MIS18A: variants seen among roughly 807,000 people sequenced by gnomAD.
MIS18A encodes MIS18 kinetochore protein A, also known as protein Mis18-alpha.
In MIS18A, 14 loss-of-function variants were observed where a neutral mutation model predicts 25.0. The ratio of observed to expected loss-of-function variants is 0.56; its 90% CI spans 0.37 to 0.88. The LOEUF (loss-of-function observed/expected upper bound fraction) is 0.88. Among genes scored for constraint, MIS18A ranks in the 40% least tolerant of loss-of-function variants. The pLI is 0.00. For missense variants in MIS18A, 292 were observed against 290.8 expected (o/e 1.00, Z -0.03); for synonymous variants, 134 against 118.6 (o/e 1.13, Z -0.84).
chr21:32,277,359 A>C (rs990324049), intron 1 of MIS18A, among the ~76,000 whole-genome samples: 3 of 152,260 alleles, frequency 2.0e-5, no homozygotes, highest in African/African-American at 4.8e-5. Context: ...AAAATGAAAG[A>C]TGTAACATCA....
the MIS18A span, among the ~76,000 whole-genome samples, chr21:32,220,564 C>T: frequency 8.5e-5 from 13 of 152,240 alleles, no homozygotes; most frequent in African/African-American, 3.1e-4. Context: ...AGCCAGAATA[C>T]TTCTTCTCCT....
the MIS18A span, among the ~76,000 whole-genome samples, chr21:32,230,303 ATCACCTAAT>A: frequency 1.3e-5 from 2 of 152,248 alleles, no homozygotes; most frequent in Admixed American, 6.5e-5. Context: ...CCATTCCTTC[ATCACCTAAT>A]TCAGGCAAGT....
chr21:32,273,499 T>C (rs1487493460), intron 2 of MIS18A, among the ~76,000 whole-genome samples: 2 of 152,094 alleles, frequency 1.3e-5, no homozygotes, highest in African/African-American at 4.8e-5. Context: ...ATTCCAAGCA[T>C]CTTAGAAGCT....
chr21:32,240,908 C>T, the MIS18A span, among the ~76,000 whole-genome samples: 2 of 152,296 alleles, frequency 1.3e-5, no homozygotes, highest in Non-Finnish European at 2.9e-5. Context: ...GCAGTCACTA[C>T]AATCCCCATA....
chr21:32,274,406 T>C (rs1468125240), intron 2 of MIS18A, among the ~76,000 whole-genome samples: 1 of 152,064 alleles, frequency 6.6e-6, no homozygotes, highest in Non-Finnish European at 1.5e-5. Context: ...GGTTTTGCCA[T>C]GTTGGCCAGG....
At chr21:32,193,480 GTAGATAGATAGATAGATAGA>G in the MIS18A span, among the ~76,000 whole-genome samples, 655 of 138,066 alleles carry the variant, frequency 4.7e-3, 7 homozygotes, top group African/African-American at 0.016. Context: ...AGATAGATAG[GTAGATAGATAGATAGATAGA>G]TAGATAGATA....
chr21:32,226,134 G>A, the MIS18A span, among the ~76,000 whole-genome samples: 15 of 132,622 alleles, frequency 1.1e-4, no homozygotes, highest in Non-Finnish European at 1.9e-4. Flanking sequence ...CTGTGGTGGG[G>A]TGGGGGGAGT....
chr21:32,164,091 C>T, the MIS18A span, among the ~76,000 whole-genome samples: 1 of 152,150 alleles, frequency 6.6e-6, no homozygotes, highest in Non-Finnish European at 1.5e-5. Context: ...CTGCACCAAG[C>T]CATTCTTGAG....
the MIS18A span, among the ~76,000 whole-genome samples, chr21:32,196,390 TCC>T: frequency 6.6e-6 from 1 of 151,792 alleles, no homozygotes; most frequent in African/African-American, 2.4e-5. Flanking sequence ...GTCTCAGCTC[TCC>T]TGGTTCCCAG....
chr21:32,197,364 A>G, the MIS18A span, among the ~76,000 whole-genome samples: 1 of 152,206 alleles, frequency 6.6e-6, no homozygotes, highest in East Asian at 1.9e-4. Flanking sequence ...TGGGGCTGAC[A>G]TTTAGACATT....
chr21:32,218,192 CAAAAA>C, the MIS18A span, among the ~76,000 whole-genome samples: 2 of 56,376 alleles, frequency 3.5e-5, no homozygotes, highest in African/African-American at 6.9e-5. Flanking sequence ...GACTCCATCT[CAAAAA>C]AAAAAAAAAA....
the MIS18A span, among the ~76,000 whole-genome samples, chr21:32,254,569 G>A: frequency 6.6e-6 from 1 of 151,854 alleles, no homozygotes; most frequent in African/African-American, 2.4e-5. Flanking sequence ...AACTTTAAAT[G>A]GTTTTTCACA....
At chr21:32,232,541 T>A in the MIS18A span, among the ~76,000 whole-genome samples, 4 of 152,016 alleles carry the variant, frequency 2.6e-5, no homozygotes, top group African/African-American at 7.2e-5. Flanking sequence ...TTTGTGTATA[T>A]ATATAATTGA....
At chr21:32,204,732 CA>C in the MIS18A span, among the ~76,000 whole-genome samples, 1 of 151,788 alleles carries the variant, frequency 6.6e-6, no homozygotes, top group African/African-American at 2.4e-5. Context: ...ATCAAAAATA[CA>C]AAAATTAGCC....
At chr21:32,259,951 A>G in the MIS18A span, 1 of 152,290 alleles carries the variant, frequency 6.6e-6, no homozygotes, top group East Asian at 1.9e-4. Flanking sequence ...TTGAGTTCCT[A>G]TTTACCTGAT....
chr21:32,215,546 C>G, the MIS18A span, among the ~76,000 whole-genome samples: 76 of 152,192 alleles, frequency 5.0e-4, no homozygotes, highest in African/African-American at 1.8e-3. Flanking sequence ...GTCAGGATAT[C>G]TCACCCCAGC....
the MIS18A span, among the ~76,000 whole-genome samples, chr21:32,182,575 C>T: frequency 1.3e-5 from 2 of 152,160 alleles, no homozygotes; most frequent in African/African-American, 2.4e-5. Flanking sequence ...AGGTGAGCCT[C>T]GGGTGGGCTC....
At chr21:32,237,046 G>T in the MIS18A span, among the ~76,000 whole-genome samples, 11 of 151,988 alleles carry the variant, frequency 7.2e-5, no homozygotes, top group Non-Finnish European at 1.5e-5. Flanking sequence ...CTCTCATGGT[G>T]CAACACCCCC....
At chr21:32,253,563 G>A in the MIS18A span, among the ~76,000 whole-genome samples, 1 of 152,174 alleles carries the variant, frequency 6.6e-6, no homozygotes, top group Admixed American at 6.5e-5. Flanking sequence ...CATTTTCAGA[G>A]CAGGCTTTAG....
Sources: allele counts gnomAD v4.1 joint callset (sites outside exome capture counted in the v4.1 genomes callset), GRCh38; gene constraint gnomAD v4.1.1; transcripts MANE v1.5; gene names NCBI Gene and HGNC (gene_info 2026-07-23, HGNC 2026-07-21).